The following FBXL2 variants were observed in gnomAD, a reference collection of about 807,000 sequenced individuals.
The protein encoded by FBXL2 is F-box/LRR-repeat protein 2.
FBXL2 carries 38 observed loss-of-function variants against 69.2 expected under a neutral mutation model. The observed-to-expected ratio is 0.55, with a 90% CI of 0.42 to 0.72. The LOEUF (loss-of-function observed/expected upper bound fraction) is 0.72. FBXL2 is among the 30% of genes least tolerant of loss of function. FBXL2 has a pLI of 0.00. For synonymous variants in FBXL2, 192 were observed against 201.3 expected (o/e 0.95, Z 0.39); for missense variants, 354 against 520.3 (o/e 0.68, Z 3.11).
At chr3:33,396,995 C>T (rs200821768) in intron 12 of FBXL2, 215 of 1,535,350 alleles carry the variant, frequency 1.4e-4, no homozygotes, top group Non-Finnish European at 1.8e-4. Flanking sequence ...ATTCCCCACG[C>T]GAAGAAAGGT....
intron 7 of FBXL2, 88 bp from the exon 8 acceptor site, chr3:33,373,490 A>C: frequency 1.3e-6 from 2 of 1,593,266 alleles, no homozygotes; most frequent in Non-Finnish European, 1.7e-6. Flanking sequence ...TCCCCTTCGG[A>C]ATTTCTTGTG....
rs1441190789 is a variant in FBXL2 at position 33,396,381 on chromosome 3, G to C, written n.1215-6853G>C. 5.8e-6 allele frequency: 5 copies of C among 867,868 alleles called. No homozygotes were observed. The Admixed American group carries it at 9.8e-5, about 17-fold the overall frequency. The allele number at this position is 867,868 out of a possible 1,614,324, so 53.8% of individuals were successfully genotyped here. Reference sequence around the variant, plus strand: ...GAATCTAAGTTCTATTTCCTTATGAGAACTTTATAATGTTATTTCGTTATA... The same window carrying C: ...GAATCTAAGTTCTATTTCCTTATGACAACTTTATAATGTTATTTCGTTATA... On this transcript the variant is annotated intron_variant and non_coding_transcript_variant, in intron 12 of 12. Transcript: ENST00000463736.
Position 33,292,377 on chromosome 3 carries a change from T to TCAAA in FBXL2, c.4-5274_4-5271dup, listed in dbSNP as rs1379584425. The stretch of plus-strand genomic sequence containing the variant: ...CTGGGTGACAGAGCAATCCTCTGTC[T>TCAAA]CAAACAAACAAACAAAACAAATTTG... On this transcript the variant is annotated intron_variant, in intron 1 of 14. Coordinates refer to ENST00000484457, the MANE Select transcript of FBXL2 (RefSeq NM_012157.5). 3.9e-5 allele frequency among the ~76,000 whole-genome samples: 6 copies of TCAAA among 152,198 alleles called. No individual in the cohort carries two copies. The South Asian group carries it at 1.0e-3, about 26-fold the overall frequency.
At chr3:33,384,798 T>C (rs1473545280) in intron 14 of FBXL2, among the ~76,000 whole-genome samples, 1 of 152,080 alleles carries the variant, frequency 6.6e-6, no homozygotes, top group African/African-American at 2.4e-5. Context: ...CCCAGCACTT[T>C]GGGAGGCCGA....
chr3:33,293,328 G>A (rs1013625519), intron 1 of FBXL2, among the ~76,000 whole-genome samples: 14 of 152,162 alleles, frequency 9.2e-5, no homozygotes, highest in Non-Finnish European at 1.9e-4. Flanking sequence ...TTGCTGAAGA[G>A]GAAACTATGG....
At chr3:33,292,558 G>T (rs963904105) in intron 1 of FBXL2, among the ~76,000 whole-genome samples, 2 of 152,094 alleles carry the variant, frequency 1.3e-5, no homozygotes, top group Non-Finnish European at 2.9e-5. Context: ...GGATATAAAA[G>T]ATTTGAACAC....
intron 1 of FBXL2, among the ~76,000 whole-genome samples, chr3:33,281,147 C>T (rs945964950): frequency 2.6e-5 from 4 of 151,842 alleles, no homozygotes; most frequent in African/African-American, 9.7e-5. Context: ...TGTGCTGTAC[C>T]CGTTGTCATT....
chr3:33,305,313 A>C (rs1224256169), intron 2 of FBXL2, among the ~76,000 whole-genome samples: 1 of 151,848 alleles, frequency 6.6e-6, no homozygotes, highest in Non-Finnish European at 1.5e-5. Flanking sequence ...ATAAGAATAC[A>C]TTTTTGTTTT....
At chr3:33,287,468 T>C (rs1445326107) in intron 1 of FBXL2, among the ~76,000 whole-genome samples, 5 of 152,274 alleles carry the variant, frequency 3.3e-5, no homozygotes, top group African/African-American at 9.6e-5. Flanking sequence ...ATTTGTTATT[T>C]AATTTTATTT....
chr3:33,312,011 TAGCTC>T (rs1469936646), intron 2 of FBXL2, among the ~76,000 whole-genome samples: 1 of 152,222 alleles, frequency 6.6e-6, no homozygotes, highest in Non-Finnish European at 1.5e-5. Context: ...TGTCTTAATG[TAGCTC>T]AGTGAGCTAT....
intron 2 of FBXL2, among the ~76,000 whole-genome samples, chr3:33,333,599 G>T (rs540048666): frequency 4.6e-5 from 7 of 152,254 alleles, no homozygotes; most frequent in African/African-American, 7.2e-5. Context: ...GAATTTCACA[G>T]AAAAATAAGG....
At chr3:33,313,006 G>A (rs2037347944) in intron 2 of FBXL2, among the ~76,000 whole-genome samples, 1 of 152,052 alleles carries the variant, frequency 6.6e-6, no homozygotes, top group East Asian at 1.9e-4. Context: ...TGTAGTCCCA[G>A]CTACTTGGGA....
At chr3:33,338,202 A>G (rs963945831) in intron 2 of FBXL2, among the ~76,000 whole-genome samples, 5 of 152,192 alleles carry the variant, frequency 3.3e-5, no homozygotes, top group African/African-American at 9.7e-5. Flanking sequence ...GCTTGCGATC[A>G]GGAGTTCAAG....
intron 2 of FBXL2, among the ~76,000 whole-genome samples, chr3:33,301,512 A>AG (rs1454701399): frequency 6.6e-6 from 1 of 152,210 alleles, no homozygotes; most frequent in Non-Finnish European, 1.5e-5. Flanking sequence ...GAATCCACTC[A>AG]GAAAAATCTA....
intron 5 of FBXL2, chr3:33,372,853 A>G: frequency 3.4e-6 from 2 of 591,422 alleles, no homozygotes; most frequent in Non-Finnish European, 6.0e-6. Flanking sequence ...TCTGCTTCTC[A>G]AAACGTGGTC....
intron 1 of FBXL2, among the ~76,000 whole-genome samples, chr3:33,286,300 C>T (rs2034606966): frequency 6.6e-6 from 1 of 152,158 alleles, no homozygotes; most frequent in Non-Finnish European, 1.5e-5. Context: ...TGCTGGAGGT[C>T]CACTCCAGAC....
intron 1 of FBXL2, among the ~76,000 whole-genome samples, chr3:33,287,170 AT>A (rs1013181586): frequency 4.6e-5 from 7 of 151,494 alleles, no homozygotes; most frequent in South Asian, 2.1e-4. Context: ...CCCTAAAGTG[AT>A]TTTTTTTTAA....
chr3:33,342,195 C>T (rs1330151737), intron 2 of FBXL2, among the ~76,000 whole-genome samples: 3 of 151,172 alleles, frequency 2.0e-5, no homozygotes, highest in Admixed American at 2.0e-4. Context: ...TTAGTAGAGA[C>T]GGGGTTTCAC....
chr3:33,393,182 T>C, intron 12 of FBXL2: 1 of 1,017,472 alleles, frequency 9.8e-7, no homozygotes, highest in Non-Finnish European at 1.4e-6. Context: ...TCCAAAGTGA[T>C]TCCCAACTCT....
Sources: gnomAD v4.1 joint callset for allele counts (sites outside exome capture counted in the v4.1 genomes callset) on GRCh38, gnomAD v4.1.1 for gene constraint, MANE v1.5 for transcripts, NCBI Gene and HGNC (gene_info 2026-07-23, HGNC 2026-07-21) for gene names.